SFMBT2: variants seen among roughly 807,000 people sequenced by gnomAD.
The protein encoded by SFMBT2 is Scm like with four mbt domains 2, also known as scm-like with four MBT domains protein 2.
Under a neutral mutation model 110.1 loss-of-function variants are expected in SFMBT2, and 38 were observed. The ratio of observed to expected loss-of-function variants is 0.35; its 90% confidence interval spans 0.27 to 0.45. SFMBT2 has a LOEUF of 0.45. Among genes scored for constraint, SFMBT2 ranks in the 20% least tolerant of loss-of-function variants. The pLI is 1.00. For synonymous variants in SFMBT2, 425 were observed against 425.4 expected, an observed-to-expected ratio of 1.00 and a Z score of 0.01; for missense variants, 1,011 against 1,094.9, an observed-to-expected ratio of 0.92 and a Z score of 1.08.
intron 2 of SFMBT2, chr10:7,370,675 T>C (rs1276548506): frequency 2.1e-5 from 4 of 191,258 alleles, no homozygotes; most frequent in Non-Finnish European, 3.8e-5. Flanking sequence ...GTTCGTGTAA[T>C]AGTTTGAAAT....
intron 1 of SFMBT2, among the ~76,000 whole-genome samples, chr10:7,398,480 C>G (rs1169439700): frequency 1.3e-5 from 2 of 152,196 alleles, no homozygotes; most frequent in South Asian, 2.1e-4. Context: ...TACTACAACA[C>G]AACAGGTCTT....
chr10:7,260,808 T>C (rs150778624), intron 7 of SFMBT2, among the ~76,000 whole-genome samples: 11 of 152,222 alleles, frequency 7.2e-5, no homozygotes, highest in African/African-American at 2.6e-4. Flanking sequence ...CAAAAGCAAC[T>C]GAGTAATAAG....
At chr10:7,348,285 T>C (rs868400780) in intron 4 of SFMBT2, 4 of 1,523,436 alleles carry the variant, frequency 2.6e-6, no homozygotes, top group Middle Eastern at 1.7e-4. Context: ...AGACATCCTT[T>C]TCTAAGAAAT....
At chr10:7,287,568 G>T (rs1029450208) in intron 4 of SFMBT2, among the ~76,000 whole-genome samples, 2 of 152,264 alleles carry the variant, frequency 1.3e-5, no homozygotes, top group South Asian at 2.1e-4. Flanking sequence ...AGATGGATGT[G>T]CAAAGTCAGC....
chr10:7,344,036 A>C (rs913877548), intron 4 of SFMBT2, among the ~76,000 whole-genome samples: 20 of 152,186 alleles, frequency 1.3e-4, no homozygotes, highest in Non-Finnish European at 2.6e-4. Flanking sequence ...GAAAGATACC[A>C]CAGTAAGCTA....
Position 7,170,692 on chromosome 10 carries a change from C to T in SFMBT2, c.2544+236G>A, listed in dbSNP as rs969623157. 5.3e-5 allele frequency among the ~76,000 whole-genome samples: 8 copies of T among 152,092 alleles called. No individual in the cohort carries two copies. Among genetic ancestry groups the T allele is most frequent in the Non-Finnish European group, 1.0e-4 (7 of 67,994 alleles). On this transcript the variant is annotated intron_variant, in intron 20 of 20. Coordinates refer to ENST00000397167, the MANE Select transcript of SFMBT2 (RefSeq NM_001387889.1). This position sits in a 1 kb window ranked among gnomAD's most constrained non-coding sequence, Gnocchi z 4.6. ...CTAGAGCCTGGAAGAGTCACCCCTC[C>T]GCCCCCCACCATGGCACTGGTGGGG...
chr10:7,392,291 G>C (rs1394903351), intron 1 of SFMBT2, among the ~76,000 whole-genome samples: 1 of 152,176 alleles, frequency 6.6e-6, no homozygotes, highest in Non-Finnish European at 1.5e-5. Context: ...GAGGTGGGCG[G>C]ATCACTTGAG....
chr10:7,358,796 T>C (rs1293835201), intron 4 of SFMBT2, among the ~76,000 whole-genome samples: 1 of 150,924 alleles, frequency 6.6e-6, no homozygotes, highest in African/African-American at 2.4e-5. Flanking sequence ...AATGGAGGCA[T>C]GGTGGCCCTG....
At chr10:7,285,414 A>T (rs962791790) in intron 5 of SFMBT2, 1 of 152,442 alleles carries the variant, frequency 6.6e-6, no homozygotes, top group African/African-American at 2.4e-5. Flanking sequence ...TAACGTGTGT[A>T]TGTTCAAATC....
intron 10 of SFMBT2, among the ~76,000 whole-genome samples, chr10:7,220,850 A>T (rs2131649541): frequency 6.8e-6 from 1 of 147,322 alleles, no homozygotes; most frequent in South Asian, 2.1e-4. Flanking sequence ...TTTTTGAGAC[A>T]GAGTCTGGCT....
intron 4 of SFMBT2, among the ~76,000 whole-genome samples, chr10:7,298,347 T>C (rs1842464790): frequency 6.6e-6 from 1 of 152,166 alleles, no homozygotes; most frequent in African/African-American, 2.4e-5. Context: ...GTGCACGTGA[T>C]CTAGTCCAAC....
At chr10:7,352,037 C>T (rs1307423858) in intron 4 of SFMBT2, among the ~76,000 whole-genome samples, 2 of 152,044 alleles carry the variant, frequency 1.3e-5, no homozygotes, top group East Asian at 3.9e-4. Flanking sequence ...TCTGAAGTCG[C>T]TTTTTTCTGG....
chr10:7,285,489 T>C (rs78693547), intron 5 of SFMBT2: 2,500 of 165,200 alleles, frequency 0.015, 40 homozygotes, highest in South Asian at 0.048. Context: ...CAAGAGACTA[T>C]ATTAGCACAT....
chr10:7,202,426 G>GAT (rs1838984563), intron 13 of SFMBT2, 54 bp downstream of exon 13: 1 of 1,608,120 alleles, frequency 6.2e-7, no homozygotes, highest in African/African-American at 1.3e-5. Context: ...CCTCCATAAA[G>GAT]ACACTACAGT....
intron 4 of SFMBT2, among the ~76,000 whole-genome samples, chr10:7,360,016 A>G (rs1011392760): frequency 6.6e-6 from 1 of 152,130 alleles, no homozygotes; most frequent in Non-Finnish European, 1.5e-5. Context: ...TAAGAATAAT[A>G]CCAGCCACTT....
chr10:7,386,484 T>C (rs1486308014), intron 1 of SFMBT2, among the ~76,000 whole-genome samples: 1 of 152,106 alleles, frequency 6.6e-6, no homozygotes, highest in Non-Finnish European at 1.5e-5. Flanking sequence ...GGCACATGCC[T>C]GTAATCCCAG....
chr10:7,392,189 C>T (rs908690703), intron 1 of SFMBT2, among the ~76,000 whole-genome samples: 1 of 152,162 alleles, frequency 6.6e-6, no homozygotes, highest in Non-Finnish European at 1.5e-5. Flanking sequence ...ACATCTAAAC[C>T]CTTTATACCT....
intron 4 of SFMBT2, among the ~76,000 whole-genome samples, chr10:7,348,740 A>T (rs984224232): frequency 2.0e-5 from 3 of 152,218 alleles, no homozygotes; most frequent in South Asian, 2.1e-4. Context: ...GATTTTTTTT[A>T]AAAACTGCTT....
chr10:7,204,510 A>G, intron 12 of SFMBT2: 1 of 876,974 alleles, frequency 1.1e-6, no homozygotes, highest in Non-Finnish European at 1.3e-6. Flanking sequence ...GTAGAATAAT[A>G]AACGCAATGA....
Sources: allele counts gnomAD v4.1 joint callset (sites outside exome capture counted in the v4.1 genomes callset), GRCh38; gene constraint gnomAD v4.1.1; non-coding constraint Gnocchi (gnomAD v3.1); transcripts MANE v1.5; gene names NCBI Gene and HGNC (gene_info 2026-07-23, HGNC 2026-07-21).